Variants in COLEC12 observed in about 807,000 individuals in gnomAD.
COLEC12 encodes collectin-12.
COLEC12 carries 33 observed loss-of-function variants against 71.1 expected under a neutral mutation model. The observed-to-expected ratio is 0.46, with a 90% CI of 0.35 to 0.62. The LOEUF is 0.62. Ranked by LOEUF, COLEC12 falls within the 20% of genes least tolerant of loss-of-function variation. The pLI is 0.00. For synonymous variants in COLEC12, 350 were observed against 353.0 expected (o/e 0.99, Z 0.10); for missense variants, 765 against 916.1 (o/e 0.84, Z 2.13).
At chr18:330,294 C>T (rs1913942566) in intron 8 of COLEC12, among the ~76,000 whole-genome samples, 1 of 152,154 alleles carries the variant, frequency 6.6e-6, no homozygotes, top group Non-Finnish European at 1.5e-5. Flanking sequence ...AGGGCTAGGC[C>T]TCCATGCCCA....
chr18:322,218 A>ACACG (rs1300887015), intron 8 of COLEC12, among the ~76,000 whole-genome samples: 2 of 146,684 alleles, frequency 1.4e-5, no homozygotes, highest in Non-Finnish European at 3.0e-5. Context: ...ACACACACGC[A>ACACG]CACATGATCT....
At chr18:435,684 A>G (rs1916390270) in intron 2 of COLEC12, among the ~76,000 whole-genome samples, 1 of 152,200 alleles carries the variant, frequency 6.6e-6, no homozygotes, top group African/African-American at 2.4e-5. Context: ...GAGGTGGACA[A>G]AGCATTCAGA....
At chr18:347,395 C>A (rs552698453) in intron 4 of COLEC12, 54 bp from the exon 5 acceptor site, 28 of 1,477,830 alleles carry the variant, frequency 1.9e-5, no homozygotes, top group East Asian at 1.8e-4. Context: ...AGTGTTCAGG[C>A]AAGGCCAAAG....
In COLEC12 at chr18:337,616, G is replaced by C. The variant is rs540265882; in HGVS notation, c.1328-2386C>G. On this transcript the variant is annotated intron_variant, in intron 5 of 9. Transcript: ENST00000400256. ...AAATGGGAGACTTTAGAAGACTTAG[G>C]GATGAACTCACTTCTACCTAGACCC... is the stretch of plus-strand genomic sequence containing the variant. 2.7e-4 allele frequency among the ~76,000 whole-genome samples: 41 copies of C among 152,272 alleles called. 1 individual carries two copies. The South Asian group carries it at 8.1e-3, about 30-fold the overall frequency.
rs563410603 is a variant in COLEC12, at chr18:381,031, G to A, written c.59-23509C>T. 2.6e-5 allele frequency among the ~76,000 whole-genome samples: 4 copies of A among 152,184 alleles called. No homozygotes were observed. The East Asian group carries it at 5.8e-4, about 22-fold the overall frequency. On this transcript the variant is annotated intron_variant, in intron 2 of 9. Coordinates refer to ENST00000400256, the MANE Select transcript of COLEC12 (RefSeq NM_130386.3). ...TTTTTTATGAACCCTTTCCCAAAGA[G>A]CCACAGAATGTCAAAAGTGCTGAGA...
At chr18:365,871 C>T (rs1406118025) in intron 2 of COLEC12, among the ~76,000 whole-genome samples, 1 of 152,126 alleles carries the variant, frequency 6.6e-6, no homozygotes, top group African/African-American at 2.4e-5. Context: ...GGCTAATATG[C>T]ATCTCACCAG....
At chr18:495,333 T>A (rs971845017) in intron 1 of COLEC12, among the ~76,000 whole-genome samples, 2 of 152,186 alleles carry the variant, frequency 1.3e-5, no homozygotes, top group South Asian at 2.1e-4. Flanking sequence ...AAATACTTAG[T>A]AGTATCATTA....
intron 2 of COLEC12, among the ~76,000 whole-genome samples, chr18:396,171 G>C (rs1441712153): frequency 6.6e-6 from 1 of 152,210 alleles, no homozygotes; most frequent in Non-Finnish European, 1.5e-5. Context: ...TGGGGAAGGG[G>C]AGGATCCCAA....
At chr18:343,612 C>A (rs1914306071) in intron 5 of COLEC12, among the ~76,000 whole-genome samples, 1 of 152,166 alleles carries the variant, frequency 6.6e-6, no homozygotes, top group Non-Finnish European at 1.5e-5. Context: ...AATCCCAACT[C>A]CCTGACCTTC....
intron 2 of COLEC12, among the ~76,000 whole-genome samples, chr18:439,991 GCACA>G (rs59854051): frequency 6.6e-6 from 1 of 150,404 alleles, no homozygotes; most frequent in Non-Finnish European, 1.5e-5. Flanking sequence ...GTGTATGAAT[GCACA>G]CACACACACA....
chr18:496,302 T>C (rs1917711512), intron 1 of COLEC12, among the ~76,000 whole-genome samples: 1 of 152,002 alleles, frequency 6.6e-6, no homozygotes, highest in Non-Finnish European at 1.5e-5. Flanking sequence ...GGAACAACCG[T>C]GGGAAATTGC....
In COLEC12 at chr18:347,143, T is replaced by C; in HGVS notation, c.479A>G (p.Asn160Ser). ...GTTTACAGTGGTGATGAGGAAAGAG[T>C]TATTCTCCAAAGTTTCTTTCAATTG... ...QSQLKETLEN[N>S]SFLITTVNKT... The change falls in exon 5 of 10, where the codon AAC (asparagine) becomes AGC (serine). Residue 160 changes from asparagine (N) to serine (S), a missense_variant. Physicochemically the swap from Asn to Ser is conservative, Grantham distance 46 (BLOSUM62 1). Coordinates refer to ENST00000400256, the MANE Select transcript of COLEC12 (RefSeq NM_130386.3). The C allele has an allele frequency of 1.2e-6, 2 of 1,614,062 alleles. No homozygotes were observed. Among genetic ancestry groups the C allele is most frequent in the Non-Finnish European group, 1.7e-6 (2 of 1,180,010 alleles).
At chr18:432,533 C>G (rs1373419977) in intron 2 of COLEC12, among the ~76,000 whole-genome samples, 1 of 152,142 alleles carries the variant, frequency 6.6e-6, no homozygotes, top group Non-Finnish European at 1.5e-5. Context: ...CTAATTGATA[C>G]ATTAGGGAAA....
chr18:396,546 G>C (rs1004463530), intron 2 of COLEC12, among the ~76,000 whole-genome samples: 4 of 152,212 alleles, frequency 2.6e-5, no homozygotes. Flanking sequence ...CCAATTTAGG[G>C]TTTTCTCCAC....
intron 2 of COLEC12, among the ~76,000 whole-genome samples, chr18:416,806 T>C (rs946547055): frequency 4.4e-4 from 66 of 148,360 alleles, no homozygotes; most frequent in African/African-American, 1.6e-3. Context: ...AGAAGACCTA[T>C]CTTGCCTTAC....
At chr18:439,174 C>T (rs916639157) in intron 2 of COLEC12, among the ~76,000 whole-genome samples, 2 of 152,200 alleles carry the variant, frequency 1.3e-5, no homozygotes, top group Non-Finnish European at 2.9e-5. Flanking sequence ...CAAACTTTCA[C>T]AATGGTATAT....
chr18:394,721 C>T (rs1219166686), intron 2 of COLEC12, among the ~76,000 whole-genome samples: 7 of 152,272 alleles, frequency 4.6e-5, no homozygotes, highest in East Asian at 1.9e-4. Flanking sequence ...GAGGCCCTTT[C>T]GAAAATACTG....
intron 2 of COLEC12, among the ~76,000 whole-genome samples, chr18:436,230 G>A (rs1010330758): frequency 6.6e-6 from 1 of 152,192 alleles, no homozygotes; most frequent in Non-Finnish European, 1.5e-5. Flanking sequence ...GCAAAGCGGG[G>A]CCAGGCGCAG....
At chr18:386,466 T>C (rs1915347506) in intron 2 of COLEC12, among the ~76,000 whole-genome samples, 1 of 152,232 alleles carries the variant, frequency 6.6e-6, no homozygotes, top group Admixed American at 6.5e-5. Context: ...CCAGACCTAC[T>C]GAATCAGAAT....
Sources: gnomAD v4.1 joint callset for allele counts (sites outside exome capture counted in the v4.1 genomes callset) on GRCh38, gnomAD v4.1.1 for gene constraint, MANE v1.5 for transcripts, NCBI Gene and HGNC (gene_info 2026-07-23, HGNC 2026-07-21) for gene names.